TERT: variants seen among roughly 807,000 people sequenced by gnomAD.
The protein encoded by TERT is telomerase catalytic subunit.
In TERT, 42 loss-of-function variants were observed where a neutral mutation model predicts 104.0. That is an observed-to-expected ratio of 0.40 (90% confidence interval 0.32 to 0.52). The LOEUF is 0.52. Among genes scored for constraint, TERT ranks in the 20% least tolerant of loss-of-function variants. The probability of loss-of-function intolerance (pLI) is 0.43; values close to 1 mark genes in which losing one functional copy is unlikely to be tolerated. For missense variants in TERT, 1,101 were observed against 1,610.3 expected (o/e 0.68, Z 5.41); for synonymous variants, 781 against 725.6 (o/e 1.08, Z -1.23).
chr5:1,276,830 A>G (rs1749631846), intron 6 of TERT, among the ~76,000 whole-genome samples: 1 of 152,272 alleles, frequency 6.6e-6, no homozygotes, highest in African/African-American at 2.4e-5. Context: ...AGCCACAAAC[A>G]GCTGATAAAG....
rs193231000 is a variant in TERT, at chr5:1,263,190, A to G, written c.2843+1214T>C. ...AAACCCCAGGGAGCATTCTGGAAAG[A>G]GGCAAAGTCCAGATCTGGACTGTTA... On this transcript the variant is annotated intron_variant, in intron 11 of 15. Coordinates refer to ENST00000310581, the MANE Select transcript of TERT (RefSeq NM_198253.3). This position sits in a 1 kb window ranked among gnomAD's most constrained non-coding sequence, Gnocchi z 5.3. Among the ~76,000 whole-genome samples the G allele has an allele frequency of 3.3e-5, 5 of 152,332 alleles. 1 individual carries two copies. The East Asian group carries it at 5.8e-4, about 18-fold the overall frequency.
Position 1,263,405 on chromosome 5 carries a change from CTTTT to C in TERT, c.2843+995_2843+998del, listed in dbSNP as rs569826270. Among the ~76,000 whole-genome samples, 1 of 142,770 alleles carries C rather than the reference CTTTT, an allele frequency of 7.0e-6. No individual in the cohort carries two copies. Among genetic ancestry groups the C allele is most frequent in the South Asian group, 2.3e-4 (1 of 4,404 alleles). The allele number at this position is 142,770 out of a possible 152,430, so 93.7% of individuals were successfully genotyped here. A position where few individuals can be genotyped will look rare whatever the true frequency, so the allele number is the denominator to read the frequency against. On this transcript the variant is annotated intron_variant, in intron 11 of 15. Transcript: ENST00000310581. This position sits in a 1 kb window ranked among gnomAD's most constrained non-coding sequence, Gnocchi z 5.3. ...CCACTATGGTTTTGGAATGCTGATA[CTTTT>C]TTTTTTTTTTTTAAGATGAAGTCTC...
At chr5:1,280,581 G>A (rs369727849) in intron 3 of TERT, among the ~76,000 whole-genome samples, 3 of 152,246 alleles carry the variant, frequency 2.0e-5, no homozygotes, top group East Asian at 1.9e-4. Flanking sequence ...CCAGTCCGGC[G>A]GTCAACCCCC....
At position 1,265,714 on chromosome 5, in the gene TERT, C is replaced by A. The variant is rs1278184056; in HGVS notation, c.2654+750G>T. On this transcript the variant is annotated intron_variant, in intron 10 of 15. Transcript: ENST00000310581. This position sits in a 1 kb window ranked among gnomAD's most constrained non-coding sequence, Gnocchi z 6.9. ...ATGGGTTTTCACAAACACAGCCCAGCAAAGCACCTGAAACCACCCCTGGCG... is the reference window on the plus strand; with the variant it reads ...ATGGGTTTTCACAAACACAGCCCAGAAAAGCACCTGAAACCACCCCTGGCG... Among the ~76,000 whole-genome samples the A allele has an allele frequency of 6.6e-6, 1 of 152,076 alleles. No individual in the cohort carries two copies. The highest frequency in any genetic ancestry group is 1.5e-5 in the Non-Finnish European group (1 of 67,996).
intron 15 of TERT, 81 bp from the exon 16 acceptor site, chr5:1,253,912 G>T: frequency 6.9e-7 from 1 of 1,439,378 alleles, no homozygotes; most frequent in African/African-American, 1.4e-5. Context: ...GTGGGTGGCC[G>T]GGCAGGCAGG....
intron 7 of TERT, 32 bp downstream of exon 7, chr5:1,272,153 C>T (rs1466559004): frequency 6.4e-7 from 1 of 1,551,542 alleles, no homozygotes; most frequent in East Asian, 2.4e-5. Flanking sequence ...TGCTGGGAGT[C>T]CGTGCCCAAC....
intron 2 of TERT, among the ~76,000 whole-genome samples, chr5:1,284,540 A>G (rs1456696130): frequency 6.8e-6 from 1 of 147,148 alleles, no homozygotes; most frequent in East Asian, 2.1e-4. Context: ...CAGACACCGC[A>G]CATCCAGCTC....
At chr5:1,290,288 G>A (rs1255215044) in intron 2 of TERT, among the ~76,000 whole-genome samples, 1 of 61,028 alleles carries the variant, frequency 1.6e-5, no homozygotes, top group Non-Finnish European at 3.0e-5. Flanking sequence ...AACGTGACAG[G>A]GACACCCGGG....
rs748503447 is a variant in TERT at position 1,268,586 on chromosome 5, G to A, written c.2516C>T (p.Thr839Met). The change falls in exon 9 of 16, where the codon ACG becomes ATG. Residue 839 changes from threonine (T) to methionine (M), a missense_variant. Physicochemically the swap from Thr to Met is moderately conservative, Grantham distance 81. Transcript: ENST00000310581. This position sits in a 1 kb window ranked among gnomAD's most constrained non-coding sequence, Gnocchi z 5.5. ...GCCGTAGCACAGGCTGCAGAGCAGC[G>A]TGGAGAGGATGGAGCCCTGCGGGAT... ...QGIPQGSILS[T>M]LLCSLCYGDM... 2.5e-6 allele frequency: 4 copies of A among 1,613,440 alleles called. No homozygotes were observed. Among genetic ancestry groups the A allele is most frequent in the East Asian group, 2.2e-5 (1 of 44,884 alleles).
Position 1,293,295 on chromosome 5 carries a change from C to G in TERT, c.1573+18G>C. 6.2e-7 allele frequency: 1 copy of G among 1,611,886 alleles called. No homozygotes were observed. The highest frequency in any genetic ancestry group is 8.5e-7 in the Non-Finnish European group (1 of 1,179,968). On this transcript the variant is annotated intron_variant, in intron 2 of 15. Coordinates refer to ENST00000310581, the MANE Select transcript of TERT (RefSeq NM_198253.3). ...TCAGCTCTGGGGCCTGGGCCCTCGACGGCCACCACCTCCTCACCTGGGCTC... is the reference window on the plus strand; with the variant it reads ...TCAGCTCTGGGGCCTGGGCCCTCGAGGGCCACCACCTCCTCACCTGGGCTC...
Position 1,294,973 on chromosome 5 carries a change from CG to C in TERT, c.16del (p.Arg6AlafsTer72). The stretch of plus-strand genomic sequence containing the variant: ...CAGCAGGGAGCGCACGGCTCGGCAG[CG>C]GGGAGCGCGCGGCATCGCGGGGGTG... MPRAP[R>X]CRAVRSLLRS... is the part of the protein sequence containing the mutation. On this transcript the variant is annotated frameshift_variant, in exon 1 of 16. Coordinates refer to ENST00000310581, the MANE Select transcript of TERT (RefSeq NM_198253.3). LOFTEE classifies it high-confidence loss of function. The C allele has an allele frequency of 7.5e-7, 1 of 1,330,550 alleles. No individual in the cohort carries two copies. Among genetic ancestry groups the C allele is most frequent in the Non-Finnish European group, 9.5e-7 (1 of 1,047,798 alleles). 82.4% of individuals were successfully genotyped at this position (1,330,550 alleles called of 1,614,324 possible).
intron 2 of TERT, among the ~76,000 whole-genome samples, chr5:1,285,391 A>T (rs1305106761): frequency 6.6e-6 from 1 of 152,104 alleles, no homozygotes; most frequent in African/African-American, 2.4e-5. Flanking sequence ...CACGCACGGG[A>T]CCTACACACG....
chr5:1,264,630 G>A (rs748081063), intron 10 of TERT, 38 bp from the exon 11 acceptor site: 2 of 1,611,168 alleles, frequency 1.2e-6, no homozygotes, highest in Non-Finnish European at 1.7e-6. Flanking sequence ...AGGATGCGGG[G>A]CCGTCACCCA....
intron 2 of TERT, among the ~76,000 whole-genome samples, chr5:1,291,078 C>T (rs569540036): frequency 1.5e-5 from 2 of 132,200 alleles, no homozygotes; most frequent in Admixed American, 7.3e-5. Context: ...TCACCCTACA[C>T]GTGACAGGGA....
intron 5 of TERT, 101 bp downstream of exon 5, chr5:1,279,190 C>A: frequency 3.0e-6 from 4 of 1,352,312 alleles, no homozygotes; most frequent in Middle Eastern, 2.6e-4. Flanking sequence ...GCACTCCCTG[C>A]GGCCCACCCA....
Position 1,280,363 on chromosome 5 carries a change from G to T in TERT, c.1770-25C>A, listed in dbSNP as rs748336385. On this transcript the variant is annotated intron_variant, in intron 3 of 15. Transcript: ENST00000310581. ...TCTGCAATAGAGAGCCCCTCAGGAG[G>T]CTTGCTCAGCCAGACAACAGACTAG... is the stretch of plus-strand genomic sequence containing the variant. 17 of 1,608,752 alleles carry T rather than the reference G, an allele frequency of 1.1e-5. No homozygotes were observed. In the East Asian group the frequency reaches 2.0e-4, roughly 19 times the overall value.
In TERT at chr5:1,294,920, G is replaced by C; in HGVS notation, c.70C>G (p.Leu24Val). Residue 24 changes from leucine to valine, a missense_variant, in exon 1 of 16, where the codon CTG becomes GTG. This residue lies in a region of TERT where 87 missense variants were observed against 145.4 expected (regional missense o/e 0.60). Coordinates refer to ENST00000310581, the MANE Select transcript of TERT (RefSeq NM_198253.3). ...LRSHYREVLP[L>V]ATFVRRLGPQ... ...CCCAGGCGCCGCACGAACGTGGCCA[G>C]CGGCAGCACCTCGCGGTAGTGGCTG... The C allele has an allele frequency of 7.0e-7, 1 of 1,425,678 alleles. No homozygotes were observed. The highest frequency in any genetic ancestry group is 9.1e-7 in the Non-Finnish European group (1 of 1,093,606). The allele number at this position is 1,425,678 out of a possible 1,614,324, so 88.3% of individuals were successfully genotyped here.
intron 2 of TERT, 81 bp downstream of exon 2, chr5:1,293,232 G>C: frequency 3.2e-6 from 5 of 1,566,928 alleles, no homozygotes; most frequent in Admixed American, 3.4e-5. Flanking sequence ...AGGAGGACCA[G>C]GGCTCTGCCT....
In TERT at chr5:1,268,662, G is replaced by C; in HGVS notation, c.2469-29C>G. 1 of 1,539,766 alleles carries C rather than the reference G, an allele frequency of 6.5e-7. No homozygotes were observed. Among genetic ancestry groups the C allele is most frequent in the Non-Finnish European group, 9.0e-7 (1 of 1,114,426 alleles). On this transcript the variant is annotated intron_variant, in intron 8 of 15. Coordinates refer to ENST00000310581, the MANE Select transcript of TERT (RefSeq NM_198253.3). The surrounding 1 kb of genome is among the most constrained non-coding windows in gnomAD (Gnocchi z 5.5). ...GGGCGGGAAGACACAGGTGAGAGAC[G>C]GGCAGGGCATGTGCTGGACATGCGT...
Sources: gnomAD v4.1 joint callset for allele counts (sites outside exome capture counted in the v4.1 genomes callset) on GRCh38, gnomAD v4.1.1 for gene constraint, gnomAD v4.1.1 regional missense constraint, Gnocchi (gnomAD v3.1) non-coding constraint, MANE v1.5 for transcripts, NCBI Gene and HGNC (gene_info 2026-07-23, HGNC 2026-07-21) for gene names.